MNAT1: variants seen among roughly 807,000 people sequenced by gnomAD.
MNAT1 encodes MNAT1 component of CDK activating kinase, also known as CDK-activating kinase assembly factor MAT1.
Under a neutral mutation model 42.0 loss-of-function variants are expected in MNAT1, and 43 were observed. That is an observed-to-expected ratio of 1.02 (90% confidence interval 0.80 to 1.32). MNAT1 has a LOEUF of 1.32. MNAT1 is among the 40% of genes most tolerant of loss of function. MNAT1 has a pLI of 0.00. For synonymous variants in MNAT1, 118 were observed against 120.0 expected (o/e 0.98, Z 0.11); for missense variants, 306 against 350.4 (o/e 0.87, Z 1.01).
At chr14:60,961,153 G>A (rs1368528075) in intron 7 of MNAT1, among the ~76,000 whole-genome samples, 2 of 152,002 alleles carry the variant, frequency 1.3e-5, no homozygotes, top group Non-Finnish European at 2.9e-5. Flanking sequence ...GTAGAGATGG[G>A]GTTTCTCCAT....
In MNAT1 at chr14:60,900,488, A is replaced by G. The variant is rs184242316; in HGVS notation, c.809+20653A>G. ...AATCCTATGAAGGCTGAGAAAGGTG[A>G]GGAAGCTACAGAAGAAAATTCTAAA... On this transcript the variant is annotated intron_variant, in intron 7 of 7. Transcript: ENST00000261245. 1.6e-3 allele frequency among the ~76,000 whole-genome samples: 245 copies of G among 152,310 alleles called. 1 individual carries two copies. The highest frequency in any genetic ancestry group is 0.01 in the Middle Eastern group (3 of 294).
chr14:60,929,003 C>G (rs1360974230), intron 7 of MNAT1, among the ~76,000 whole-genome samples: 2 of 150,520 alleles, frequency 1.3e-5, no homozygotes, highest in African/African-American at 4.9e-5. Context: ...AAAAAATTAG[C>G]CAGTGTGGTC....
intron 7 of MNAT1, among the ~76,000 whole-genome samples, chr14:60,887,795 T>A (rs1339227500): frequency 5.9e-5 from 9 of 151,956 alleles, no homozygotes; most frequent in African/African-American, 2.2e-4. Context: ...AAATACAAAC[T>A]ACCATCAGAG....
chr14:60,968,010 G>A (rs983908166), intron 7 of MNAT1, among the ~76,000 whole-genome samples: 9 of 152,146 alleles, frequency 5.9e-5, no homozygotes, highest in Middle Eastern at 3.2e-3. Context: ...TTTAGACCCC[G>A]TGGTAATTTG....
chr14:60,875,096 T>C (rs1341566932), intron 6 of MNAT1, among the ~76,000 whole-genome samples: 1 of 152,116 alleles, frequency 6.6e-6, no homozygotes, highest in Non-Finnish European at 1.5e-5. Context: ...CACTGAGTAA[T>C]GTTTATTTCT....
chr14:60,881,086 G>T (rs2034541570), intron 7 of MNAT1, among the ~76,000 whole-genome samples: 1 of 152,078 alleles, frequency 6.6e-6, no homozygotes, highest in Admixed American at 6.5e-5. Flanking sequence ...GTACTCCTCT[G>T]TTACTAGGTT....
intron 3 of MNAT1, among the ~76,000 whole-genome samples, chr14:60,799,757 C>A (rs1193471602): frequency 6.6e-6 from 1 of 151,246 alleles, no homozygotes; most frequent in East Asian, 1.9e-4. Flanking sequence ...GTGTGTGTTG[C>A]TCCAAGATAA....
At chr14:60,832,520 A>G (rs1403005960) in intron 6 of MNAT1, among the ~76,000 whole-genome samples, 4 of 151,810 alleles carry the variant, frequency 2.6e-5, no homozygotes, top group Middle Eastern at 3.4e-3. Flanking sequence ...GGCCTCTTTT[A>G]TGTTTCATTG....
At chr14:60,866,966 C>T (rs925851820) in intron 6 of MNAT1, among the ~76,000 whole-genome samples, 1 of 151,952 alleles carries the variant, frequency 6.6e-6, no homozygotes. Flanking sequence ...GTGTGGAACA[C>T]TAATTAGAGT....
chr14:60,907,135 T>C (rs1461363431), intron 7 of MNAT1, among the ~76,000 whole-genome samples: 1 of 152,048 alleles, frequency 6.6e-6, no homozygotes, highest in East Asian at 1.9e-4. Context: ...CAGTGTTAGC[T>C]CAGTGATTAT....
chr14:60,771,773 A>G (rs537463485), intron 1 of MNAT1, among the ~76,000 whole-genome samples: 1 of 152,270 alleles, frequency 6.6e-6, no homozygotes, highest in South Asian at 2.1e-4. Context: ...TATAGGCTCT[A>G]TGAGGGCAGG....
At position 60,968,284 on chromosome 14, in the gene MNAT1, T is replaced by A; in HGVS notation, c.865T>A (p.Ser289Thr). The change falls in exon 8 of 8, where the codon TCT becomes ACT. Residue 289 changes from serine (S) to threonine (T), a missense_variant. Ser to Thr is a moderately conservative substitution (Grantham distance 58). This residue lies in a region of MNAT1 where 116 missense variants were observed against 139.6 expected (regional missense o/e 0.83). Transcript: ENST00000261245. ...SPQDLAGGYT[S>T]SLACHRALQD... Reference sequence around the variant, plus strand: ...ACAGGACCTTGCTGGAGGCTATACTTCTTCTCTTGCTTGTCACAGAGCACT... The same window carrying A: ...ACAGGACCTTGCTGGAGGCTATACTACTTCTCTTGCTTGTCACAGAGCACT... 1 of 1,614,020 alleles carries A rather than the reference T, an allele frequency of 6.2e-7. No individual in the cohort carries two copies. Among genetic ancestry groups the A allele is most frequent in the Non-Finnish European group, 8.5e-7 (1 of 1,179,930 alleles).
intron 7 of MNAT1, among the ~76,000 whole-genome samples, chr14:60,956,160 G>T (rs1256566311): frequency 6.6e-6 from 1 of 151,668 alleles, no homozygotes. Flanking sequence ...GGACTGCTTT[G>T]GCTACATACC....
intron 1 of MNAT1, among the ~76,000 whole-genome samples, chr14:60,769,611 A>G (rs550924078): frequency 3.4e-4 from 51 of 152,214 alleles, no homozygotes; most frequent in Non-Finnish European, 6.0e-4. Context: ...GGTAAAAAAC[A>G]CACAACATGA....
chr14:60,831,898 T>C (rs2033232152), intron 6 of MNAT1, among the ~76,000 whole-genome samples: 1 of 152,232 alleles, frequency 6.6e-6, no homozygotes, highest in African/African-American at 2.4e-5. Context: ...TATCTCATTG[T>C]GGTTTTGATT....
intron 4 of MNAT1, among the ~76,000 whole-genome samples, chr14:60,811,278 G>T (rs1405524561): frequency 6.9e-6 from 1 of 144,468 alleles, no homozygotes; most frequent in East Asian, 2.0e-4. Context: ...CTTTATTTAG[G>T]GCTCTTATTT....
rs570975953 is a variant in MNAT1, at chr14:60,889,352, A to G, written c.809+9517A>G. On this transcript the variant is annotated intron_variant, in intron 7 of 7. Transcript: ENST00000261245. ...CCTGAGAAAAACAAGCAATGGGGAA[A>G]GGATTCCCTATTTAATAAATGGTGC... is the stretch of plus-strand genomic sequence containing the variant. Among the ~76,000 whole-genome samples the G allele has an allele frequency of 1.9e-3, 291 of 152,322 alleles. 1 individual carries two copies. Among genetic ancestry groups the G allele is most frequent in the Admixed American group, 3.1e-3 (47 of 15,290 alleles).
Position 60,869,023 on chromosome 14 carries a change from CAT to C in MNAT1, c.688-10674_688-10673del, listed in dbSNP as rs1169429243. 1.7e-3 allele frequency among the ~76,000 whole-genome samples: 168 copies of C among 101,748 alleles called. 7 individuals carry two copies. Among genetic ancestry groups the C allele is most frequent in the Middle Eastern group, 0.012 (2 of 166 alleles). The allele number at this position is 101,748 out of a possible 152,430, so 66.8% of individuals were successfully genotyped here. A position where few individuals can be genotyped will look rare whatever the true frequency, so the allele number is the denominator to read the frequency against. On this transcript the variant is annotated intron_variant, in intron 6 of 7. Transcript: ENST00000261245. Reference sequence around the variant, plus strand: ...CTTTTTTATATTGTGTTATTTTATACATATATATATATATATATTTTTTTTTT... The same window carrying C: ...CTTTTTTATATTGTGTTATTTTATACATATATATATATATATTTTTTTTTT...
intron 7 of MNAT1, among the ~76,000 whole-genome samples, chr14:60,943,071 T>TTTTTTGTTGGG: frequency 6.9e-6 from 1 of 145,194 alleles, no homozygotes; most frequent in Middle Eastern, 3.6e-3. Flanking sequence ...TTTTTTTTTT[T>TTTTTTGTTGGG]GAGACGGAGT....
Sources: gnomAD v4.1 joint callset for allele counts (sites outside exome capture counted in the v4.1 genomes callset) on GRCh38, gnomAD v4.1.1 for gene constraint, gnomAD v4.1.1 regional missense constraint, MANE v1.5 for transcripts, NCBI Gene and HGNC (gene_info 2026-07-23, HGNC 2026-07-21) for gene names.